Variants in SNX29 observed in about 807,000 individuals in gnomAD.
SNX29 encodes sorting nexin 29.
In SNX29, 78 loss-of-function variants were observed where a neutral mutation model predicts 102.1. The observed-to-expected ratio is 0.76, with a 90% CI of 0.64 to 0.92. SNX29 has a LOEUF of 0.92. Among genes scored for constraint, SNX29 ranks in the 40% least tolerant of loss-of-function variants. The pLI is 0.00. For missense variants in SNX29, 1,280 were observed against 1,061.7 expected, an observed-to-expected ratio of 1.21 and a Z score of -2.86; for synonymous variants, 580 against 414.5, an observed-to-expected ratio of 1.40 and a Z score of -4.85.
At chr16:12,336,424 T>C (rs960285896) in intron 15 of SNX29, among the ~76,000 whole-genome samples, 1 of 152,250 alleles carries the variant, frequency 6.6e-6, no homozygotes, top group Non-Finnish European at 1.5e-5. Flanking sequence ...GTTGTTGAGA[T>C]TGGCCTGGAC....
Position 12,572,117 on chromosome 16 carries a change from C to T in SNX29, c.*3488C>T, listed in dbSNP as rs1268697438. 11 of 1,041,588 alleles carry T rather than the reference C, an allele frequency of 1.1e-5. No homozygotes were observed. The highest frequency in any genetic ancestry group is 1.3e-5 in the Non-Finnish European group (11 of 858,240). The allele number at this position is 1,041,588 out of a possible 1,614,324, so 64.5% of individuals were successfully genotyped here. ...GATGTGGACTGGGTCTGATCACAGC[C>T]CTTGGCCCTGCTTCATACTTTGGAG... On this transcript the variant is annotated 3_prime_UTR_variant, in exon 21 of 21. Coordinates refer to ENST00000566228, the MANE Select transcript of SNX29 (RefSeq NM_032167.5).
chr16:12,167,644 C>G (rs1055875688), intron 13 of SNX29, among the ~76,000 whole-genome samples: 2 of 152,126 alleles, frequency 1.3e-5, no homozygotes, highest in Non-Finnish European at 2.9e-5. Context: ...TTCAGACATT[C>G]TTTTAATCCT....
intron 11 of SNX29, among the ~76,000 whole-genome samples, chr16:12,115,813 C>G (rs1417094767): frequency 6.6e-6 from 1 of 152,192 alleles, no homozygotes; most frequent in Non-Finnish European, 1.5e-5. Flanking sequence ...GTGTACCTCG[C>G]TTGCAGCTCT....
chr16:12,495,681 A>G (rs939340737), intron 19 of SNX29, among the ~76,000 whole-genome samples: 1 of 152,228 alleles, frequency 6.6e-6, no homozygotes, highest in African/African-American at 2.4e-5. Flanking sequence ...TATTTTGGAG[A>G]TATCACTGCC....
chr16:12,501,955 A>C (rs1386652747), intron 19 of SNX29, among the ~76,000 whole-genome samples: 1 of 152,130 alleles, frequency 6.6e-6, no homozygotes, highest in Non-Finnish European at 1.5e-5. Context: ...GGGGACATGC[A>C]GGCCTGCACC....
chr16:12,451,324 C>A (rs1381602329), intron 18 of SNX29, among the ~76,000 whole-genome samples: 1 of 152,208 alleles, frequency 6.6e-6, no homozygotes, highest in Non-Finnish European at 1.5e-5. Context: ...GTTTATGTTT[C>A]GTCTCCTTGG....
At chr16:12,159,786 C>T (rs1479464590) in intron 13 of SNX29, among the ~76,000 whole-genome samples, 1 of 152,184 alleles carries the variant, frequency 6.6e-6, no homozygotes, top group African/African-American at 2.4e-5. Flanking sequence ...GGGTAGTGGG[C>T]TCAGTGGCCT....
At chr16:12,176,719 A>G (rs974799830) in intron 13 of SNX29, among the ~76,000 whole-genome samples, 2 of 152,196 alleles carry the variant, frequency 1.3e-5, no homozygotes, top group Admixed American at 6.5e-5. Context: ...CCTGGAGCCA[A>G]TACCCCATGG....
intron 13 of SNX29, among the ~76,000 whole-genome samples, chr16:12,197,756 A>G (rs1249370704): frequency 6.6e-6 from 1 of 152,124 alleles, no homozygotes; most frequent in African/African-American, 2.4e-5. Flanking sequence ...GGGGATAACT[A>G]AGGGACTCCC....
chr16:12,185,923 CAA>C (rs1391387132), intron 13 of SNX29, among the ~76,000 whole-genome samples: 1 of 152,174 alleles, frequency 6.6e-6, no homozygotes, highest in East Asian at 1.9e-4. Context: ...AAATGTCACT[CAA>C]AGTGTTTCCT....
rs1457701221 is a variant in SNX29 at position 12,096,963 on chromosome 16, G to T, written c.1402+18048G>T. 6.6e-6 allele frequency among the ~76,000 whole-genome samples: 1 copy of T among 152,182 alleles called. No homozygotes were observed. Among genetic ancestry groups the T allele is most frequent in the Non-Finnish European group, 1.5e-5 (1 of 68,038 alleles). On this transcript the variant is annotated intron_variant, in intron 11 of 20. Coordinates refer to ENST00000566228, the MANE Select transcript of SNX29 (RefSeq NM_032167.5). This position sits in a 1 kb window ranked among gnomAD's most constrained non-coding sequence, Gnocchi z 4.2. ...AAGGTTAAGGGCTCGGTGCAGGGGAGGTCAGGAGGTCTTGCACAGATGGGG... is the reference window on the plus strand; with the variant it reads ...AAGGTTAAGGGCTCGGTGCAGGGGATGTCAGGAGGTCTTGCACAGATGGGG...
chr16:12,551,059 G>A (rs2077945113), intron 20 of SNX29, among the ~76,000 whole-genome samples: 1 of 152,124 alleles, frequency 6.6e-6, no homozygotes, highest in Non-Finnish European at 1.5e-5. Flanking sequence ...TGAAGGAAGT[G>A]GGGTGTTTTC....
chr16:12,311,262 T>G (rs1052706312), intron 15 of SNX29, among the ~76,000 whole-genome samples: 2 of 152,148 alleles, frequency 1.3e-5, no homozygotes, highest in African/African-American at 4.8e-5. Context: ...TCCCAGAGCT[T>G]GCTGGATTGA....
chr16:12,342,573 GTCAA>G (rs2081640803), intron 15 of SNX29, among the ~76,000 whole-genome samples: 1 of 152,194 alleles, frequency 6.6e-6, no homozygotes, highest in Admixed American at 6.5e-5. Flanking sequence ...AGTTCTGTGT[GTCAA>G]TCAAAGCTGT....
intron 2 of SNX29, 43 bp downstream of exon 2, chr16:11,999,401 T>C (rs754089779): frequency 2.2e-5 from 35 of 1,591,538 alleles, no homozygotes; most frequent in Non-Finnish European, 3.0e-5. Flanking sequence ...CGAGTAATAG[T>C]GTCAGATAAT....
rs540289929 is a variant in SNX29 at position 12,217,596 on chromosome 16, G to T, written c.1678+17913G>T. On this transcript the variant is annotated intron_variant, in intron 14 of 20. Transcript: ENST00000566228. ...ACTCATCCCTGTTTGGGTGAAACAG[G>T]ATTGATCCTTCTCTTAATGTTTCAG... 8.5e-4 allele frequency among the ~76,000 whole-genome samples: 130 copies of T among 152,296 alleles called. 1 individual carries two copies. The Middle Eastern group carries it at 0.017, about 20-fold the overall frequency.
intron 10 of SNX29, among the ~76,000 whole-genome samples, chr16:12,076,881 G>A (rs1169320207): frequency 6.6e-6 from 1 of 152,194 alleles, no homozygotes; most frequent in Non-Finnish European, 1.5e-5. Context: ...CTCTCAAAAT[G>A]ACATTGCTTG....
At chr16:12,527,368 A>C (rs1327319315) in intron 20 of SNX29, 1 of 505,802 alleles carries the variant, frequency 2.0e-6, no homozygotes, top group Non-Finnish European at 3.8e-6. Flanking sequence ...AAAAAATAAA[A>C]AATAAAAATC....
chr16:12,140,664 C>T (rs1470445221), intron 13 of SNX29, among the ~76,000 whole-genome samples: 4 of 152,070 alleles, frequency 2.6e-5, no homozygotes, highest in Non-Finnish European at 5.9e-5. Context: ...AGCTGTCTTG[C>T]GCACCCTGTC....
Sources: allele counts gnomAD v4.1 joint callset (sites outside exome capture counted in the v4.1 genomes callset), GRCh38; gene constraint gnomAD v4.1.1; non-coding constraint Gnocchi (gnomAD v3.1); transcripts MANE v1.5; gene names NCBI Gene and HGNC (gene_info 2026-07-23, HGNC 2026-07-21).